Variants in SLIT3 observed in about 807,000 individuals in gnomAD.
SLIT3 encodes slit guidance ligand 3.
Under a neutral mutation model 184.0 loss-of-function variants are expected in SLIT3, and 68 were observed. That is an observed-to-expected ratio of 0.37 (90% CI 0.30 to 0.45). The LOEUF is 0.45. Among genes scored for constraint, SLIT3 ranks in the 20% least tolerant of loss-of-function variants. The pLI, the probability that SLIT3 is intolerant of heterozygous loss-of-function variation, is 1.00. For missense variants in SLIT3, 1,707 were observed against 2,026.0 expected (o/e 0.84, Z 3.02); for synonymous variants, 831 against 828.6 (o/e 1.00, Z -0.05).
chr5:169,186,567 C>CA (rs1763344266), intron 4 of SLIT3, among the ~76,000 whole-genome samples: 1 of 152,136 alleles, frequency 6.6e-6, no homozygotes, highest in South Asian at 2.1e-4. Flanking sequence ...TGCCCAGGGT[C>CA]ACCAGAAGGT....
intron 3 of SLIT3, among the ~76,000 whole-genome samples, chr5:169,195,528 C>CTTGTT (rs1211404358): frequency 5.3e-5 from 8 of 152,208 alleles, no homozygotes; most frequent in East Asian, 1.9e-4. Context: ...GGGGCTGACT[C>CTTGTT]TTGTTTTGTT....
intron 4 of SLIT3, among the ~76,000 whole-genome samples, chr5:169,173,254 G>A (rs997298849): frequency 6.6e-6 from 1 of 152,088 alleles, no homozygotes; most frequent in Non-Finnish European, 1.5e-5. Context: ...AGAGTGAAAC[G>A]CCATCTCAAA....
rs1309116468 is a variant in SLIT3, at chr5:168,666,364, C to G, written c.*90G>C. On this transcript the variant is annotated 3_prime_UTR_variant, in exon 36 of 36. Coordinates refer to ENST00000519560, the MANE Select transcript of SLIT3 (RefSeq NM_003062.4). The stretch of plus-strand genomic sequence containing the variant: ...TTTACCTTCCTCTCCAGCTTCATTT[C>G]CTTCATGCTGAATCACCAGGGGGTC... 1 of 1,271,742 alleles carries G rather than the reference C, an allele frequency of 7.9e-7. No individual in the cohort carries two copies. The highest frequency in any genetic ancestry group is 2.5e-5 in the East Asian group (1 of 39,584). The allele number at this position is 1,271,742 out of a possible 1,614,324, so 78.8% of individuals were successfully genotyped here. A position where few individuals can be genotyped will look rare whatever the true frequency, so the allele number is the denominator to read the frequency against.
At chr5:169,140,684 C>T (rs1359620994) in intron 4 of SLIT3, among the ~76,000 whole-genome samples, 2 of 151,822 alleles carry the variant, frequency 1.3e-5, no homozygotes, top group Non-Finnish European at 1.5e-5. Context: ...TGCCTGTAGC[C>T]CCAACCTCTC....
chr5:169,133,152 C>T (rs1293106142), intron 4 of SLIT3, among the ~76,000 whole-genome samples: 3 of 152,100 alleles, frequency 2.0e-5, no homozygotes, highest in Non-Finnish European at 4.4e-5. Flanking sequence ...TTATCCAAGT[C>T]GAGATATTAT....
At chr5:168,977,940 T>G (rs1219288887) in intron 4 of SLIT3, among the ~76,000 whole-genome samples, 1 of 152,148 alleles carries the variant, frequency 6.6e-6, no homozygotes, top group Admixed American at 6.5e-5. Context: ...AATAGGGAGA[T>G]GGGCAGGAGG....
chr5:169,025,346 A>T (rs1218294348), intron 4 of SLIT3, among the ~76,000 whole-genome samples: 1 of 152,228 alleles, frequency 6.6e-6, no homozygotes, highest in East Asian at 1.9e-4. Flanking sequence ...GTACTTACTG[A>T]AAGTCTCCTT....
intron 4 of SLIT3, among the ~76,000 whole-genome samples, chr5:169,182,153 C>T (rs1173176149): frequency 2.6e-5 from 4 of 152,122 alleles, no homozygotes; most frequent in Non-Finnish European, 5.9e-5. Context: ...CAGGCTTCAT[C>T]ACCATAAGTA....
chr5:169,149,268 G>A (rs1288345358), intron 4 of SLIT3, among the ~76,000 whole-genome samples: 2 of 151,578 alleles, frequency 1.3e-5, no homozygotes, highest in African/African-American at 2.4e-5. Context: ...ATTGTTTGGC[G>A]GTAAAATTAT....
chr5:168,717,550 G>T (rs1762780267), intron 23 of SLIT3, among the ~76,000 whole-genome samples: 1 of 152,134 alleles, frequency 6.6e-6, no homozygotes, highest in African/African-American at 2.4e-5. Flanking sequence ...TTCACTGTTT[G>T]CTTTCTTTCC....
chr5:169,050,880 G>T (rs1417884904), intron 4 of SLIT3, among the ~76,000 whole-genome samples: 1 of 152,154 alleles, frequency 6.6e-6, no homozygotes, highest in African/African-American at 2.4e-5. Context: ...TGTGTTGAAT[G>T]AATTTGTTGG....
chr5:168,746,614 TGTAGTATG>T (rs1331925020), intron 20 of SLIT3, among the ~76,000 whole-genome samples: 10 of 65,214 alleles, frequency 1.5e-4, no homozygotes, highest in African/African-American at 5.6e-4. Context: ...GGGTGTGGTG[TGTAGTATG>T]GTGGTGTGGT....
chr5:169,075,146 G>T (rs1461519614), intron 4 of SLIT3, among the ~76,000 whole-genome samples: 1 of 151,860 alleles, frequency 6.6e-6, no homozygotes, highest in Non-Finnish European at 1.5e-5. Flanking sequence ...TAACCTGGGA[G>T]TGATTGATTG....
chr5:168,939,880 ATTAC>A (rs1359437090), intron 4 of SLIT3, among the ~76,000 whole-genome samples: 1 of 152,216 alleles, frequency 6.6e-6, no homozygotes, highest in African/African-American at 2.4e-5. Context: ...TTTTGTATAT[ATTAC>A]TTAATTTAAT....
At chr5:169,140,273 G>A (rs1290658396) in intron 4 of SLIT3, among the ~76,000 whole-genome samples, 2 of 124,498 alleles carry the variant, frequency 1.6e-5, no homozygotes, top group Non-Finnish European at 3.2e-5. Context: ...GACCAGCCTG[G>A]CCAACATGGT....
chr5:169,085,518 G>T (rs1416655851), intron 4 of SLIT3, among the ~76,000 whole-genome samples: 1 of 152,126 alleles, frequency 6.6e-6, no homozygotes, highest in Non-Finnish European at 1.5e-5. Context: ...AAACTTAAGG[G>T]ACTTTTAATT....
At chr5:168,680,164 T>A (rs1447321242) in intron 32 of SLIT3, among the ~76,000 whole-genome samples, 3 of 152,356 alleles carry the variant, frequency 2.0e-5, no homozygotes, top group Admixed American at 1.3e-4. Context: ...CACCACTCCC[T>A]ATGGGGACTC....
chr5:169,205,020 T>C lies in SLIT3; in HGVS notation c.342-11470A>G, dbSNP rs1764024176. 2.0e-5 allele frequency among the ~76,000 whole-genome samples: 3 copies of C among 152,070 alleles called. No individual in the cohort carries two copies. In the South Asian group the frequency reaches 6.2e-4, roughly 32 times the overall value. ...AGGTTAGGGCGTTTCCAGGCAACTA[T>C]GATGGAGGAAGAGAGGGGCCCAGGA... On this transcript the variant is annotated intron_variant, in intron 3 of 35. Transcript: ENST00000519560.
chr5:169,077,737 G>A (rs1758801309), intron 4 of SLIT3, among the ~76,000 whole-genome samples: 1 of 151,100 alleles, frequency 6.6e-6, no homozygotes, highest in Non-Finnish European at 1.5e-5. Context: ...AAGGGTCAAT[G>A]TATATCAAAA....
Sources: gnomAD v4.1 joint callset for allele counts (sites outside exome capture counted in the v4.1 genomes callset) on GRCh38, gnomAD v4.1.1 for gene constraint, MANE v1.5 for transcripts, NCBI Gene and HGNC (gene_info 2026-07-23, HGNC 2026-07-21) for gene names.